SHISA9: variants seen among roughly 807,000 people sequenced by gnomAD.
SHISA9 encodes shisa family member 9, also known as protein shisa-9.
In SHISA9, 13 loss-of-function variants were observed where a neutral mutation model predicts 38.0. The ratio of observed to expected loss-of-function variants is 0.34; its 90% confidence interval spans 0.22 to 0.54. The LOEUF (loss-of-function observed/expected upper bound fraction) is 0.54, where lower values mean the gene tolerates loss of function less well. Ranked by LOEUF, SHISA9 falls within the 20% of genes least tolerant of loss-of-function variation. SHISA9 has a pLI of 0.91. For synonymous variants in SHISA9, 275 were observed against 242.0 expected (o/e 1.14, Z -1.27); for missense variants, 538 against 575.8 (o/e 0.93, Z 0.67).
At chr16:13,202,993 C>G (rs546264688) in intron 2 of SHISA9, among the ~76,000 whole-genome samples, 5 of 152,150 alleles carry the variant, frequency 3.3e-5, no homozygotes, top group Non-Finnish European at 7.3e-5. Flanking sequence ...TCCTTCAATC[C>G]CTTTAACATC....
chr16:12,913,773 T>C (rs1247703872), intron 1 of SHISA9, among the ~76,000 whole-genome samples: 2 of 152,230 alleles, frequency 1.3e-5, no homozygotes, highest in African/African-American at 4.8e-5. Context: ...TGTGTGGCCT[T>C]TTGTATCTGG....
chr16:13,453,851 G>C, the SHISA9 span, among the ~76,000 whole-genome samples: 1 of 152,200 alleles, frequency 6.6e-6, no homozygotes, highest in African/African-American at 2.4e-5. Flanking sequence ...TCAAGAGTAA[G>C]AGATGAGAAA....
chr16:13,357,953 A>C, the SHISA9 span, among the ~76,000 whole-genome samples: 1 of 152,262 alleles, frequency 6.6e-6, no homozygotes, highest in African/African-American at 2.4e-5. Context: ...GGGGCAGGGC[A>C]TATTCACTTC....
the SHISA9 span, among the ~76,000 whole-genome samples, chr16:13,307,586 C>T: frequency 6.6e-6 from 1 of 152,162 alleles, no homozygotes; most frequent in South Asian, 2.1e-4. Context: ...AACACTTCTT[C>T]CCACAAATAC....
At position 13,130,401 on chromosome 16, in the gene SHISA9, A is replaced by T. The variant is rs937078583; in HGVS notation, c.692-72993A>T. ...CAAACTCAGGTGTGCTTCATCCCTA[A>T]TTCTATGTTTTTTTGTTTGTTTGTT... On this transcript the variant is annotated intron_variant, in intron 2 of 4. Transcript: ENST00000558583. Among the ~76,000 whole-genome samples, 7 of 151,510 alleles carry T rather than the reference A, an allele frequency of 4.6e-5. 1 individual carries two copies. Among genetic ancestry groups the T allele is most frequent in the Admixed American group, 4.0e-4 (6 of 15,144 alleles).
Position 13,201,340 on chromosome 16 carries a change from G to A in SHISA9, c.692-2054G>A, listed in dbSNP as rs1898683. Reference sequence around the variant, plus strand: ...ACTCACATCCTCTCATATACTTTAAGTCATCTCTAGATTACTTATAATACT... The same window carrying A: ...ACTCACATCCTCTCATATACTTTAAATCATCTCTAGATTACTTATAATACT... On this transcript the variant is annotated intron_variant, in intron 2 of 4. Coordinates refer to ENST00000558583, the MANE Select transcript of SHISA9 (RefSeq NM_001145204.3). 2.3e-3 allele frequency among the ~76,000 whole-genome samples: 309 copies of A among 135,978 alleles called. 73 individuals carry two copies. Among genetic ancestry groups the A allele is most frequent in the African/African-American group, 8.4e-3 (293 of 34,736 alleles). The allele number at this position is 135,978 out of a possible 152,430, so 89.2% of individuals were successfully genotyped here.
At chr16:13,426,652 A>G in the SHISA9 span, among the ~76,000 whole-genome samples, 1,902 of 152,324 alleles carry the variant, frequency 0.012, 41 homozygotes, top group African/African-American at 0.042. Flanking sequence ...AGACAGAACA[A>G]TACATTAAGA....
intron 2 of SHISA9, among the ~76,000 whole-genome samples, chr16:13,127,306 G>T (rs1226120919): frequency 7.1e-6 from 1 of 140,136 alleles, no homozygotes; most frequent in Admixed American, 7.1e-5. Flanking sequence ...GAGAGAGAGA[G>T]AGTGAGGGAG....
chr16:13,546,672 G>A, the SHISA9 span, among the ~76,000 whole-genome samples: 1 of 152,136 alleles, frequency 6.6e-6, no homozygotes, highest in African/African-American at 2.4e-5. Context: ...CTACATCAGA[G>A]GTCTGCAAAC....
chr16:12,918,931 G>A (rs946830478), intron 2 of SHISA9, among the ~76,000 whole-genome samples: 1 of 152,062 alleles, frequency 6.6e-6, no homozygotes, highest in Non-Finnish European at 1.5e-5. Context: ...CCTTTTCACC[G>A]GTTTATATTA....
intron 2 of SHISA9, among the ~76,000 whole-genome samples, chr16:13,015,854 CTTTCTTTCTTTCTT>C (rs1567182299): frequency 1.3e-4 from 2 of 15,104 alleles, no homozygotes; most frequent in African/African-American, 9.5e-4. Flanking sequence ...CTTTCTTTCC[CTTTCTTTCTTTCTT>C]TCTTTCTTTC....
At chr16:13,334,473 G>A in the SHISA9 span, among the ~76,000 whole-genome samples, 1 of 152,122 alleles carries the variant, frequency 6.6e-6, no homozygotes, top group African/African-American at 2.4e-5. Flanking sequence ...TGGATTTACT[G>A]TGAAGAATAA....
At chr16:12,956,935 TTTA>T (rs2071843587) in intron 2 of SHISA9, among the ~76,000 whole-genome samples, 2 of 152,220 alleles carry the variant, frequency 1.3e-5, no homozygotes, top group South Asian at 4.1e-4. Flanking sequence ...TAGATATATG[TTTA>T]TTAACAATAA....
At chr16:13,502,843 C>T in the SHISA9 span, among the ~76,000 whole-genome samples, 2 of 152,010 alleles carry the variant, frequency 1.3e-5, no homozygotes, top group East Asian at 1.9e-4. Flanking sequence ...CGCCACCACA[C>T]TCCAGCCTGG....
At chr16:13,171,622 C>T (rs1169628760) in intron 2 of SHISA9, among the ~76,000 whole-genome samples, 2 of 150,814 alleles carry the variant, frequency 1.3e-5, no homozygotes, top group Non-Finnish European at 2.9e-5. Flanking sequence ...AGAGAAAGAA[C>T]AAAGAGCATT....
chr16:13,055,408 A>G (rs1456366839), intron 2 of SHISA9, among the ~76,000 whole-genome samples: 1 of 152,184 alleles, frequency 6.6e-6, no homozygotes, highest in Non-Finnish European at 1.5e-5. Flanking sequence ...CTCTGGTTCT[A>G]GTGCAGGAAC....
At chr16:13,036,075 T>C (rs1421569188) in intron 2 of SHISA9, among the ~76,000 whole-genome samples, 1 of 152,210 alleles carries the variant, frequency 6.6e-6, no homozygotes, top group African/African-American at 2.4e-5. Context: ...GAGAAGAGTT[T>C]GGTTGTTTTT....
chr16:13,480,270 C>G, the SHISA9 span, among the ~76,000 whole-genome samples: 3 of 152,098 alleles, frequency 2.0e-5, no homozygotes, highest in African/African-American at 7.2e-5. Context: ...AGGCCAAGTT[C>G]TGGGGCATGT....
intron 2 of SHISA9, among the ~76,000 whole-genome samples, chr16:12,918,218 A>G (rs1226383716): frequency 6.6e-6 from 1 of 152,212 alleles, no homozygotes; most frequent in Non-Finnish European, 1.5e-5. Context: ...AATGGCATCA[A>G]TTCTGACACG....
Sources: gnomAD v4.1 joint callset for allele counts (sites outside exome capture counted in the v4.1 genomes callset) on GRCh38, gnomAD v4.1.1 for gene constraint, MANE v1.5 for transcripts, NCBI Gene and HGNC (gene_info 2026-07-23, HGNC 2026-07-21) for gene names.